The following SAE1 variants were observed in gnomAD, a reference collection of about 807,000 sequenced individuals.
SAE1 encodes SUMO-activating enzyme subunit 1.
Under a neutral mutation model 40.6 loss-of-function variants are expected in SAE1, and 11 were observed. The ratio of observed to expected loss-of-function variants is 0.27; its 90% CI spans 0.17 to 0.45. The LOEUF (loss-of-function observed/expected upper bound fraction) is 0.45. SAE1 is among the 20% of genes least tolerant of loss of function. The probability of loss-of-function intolerance (pLI) is 1.00; values close to 1 mark genes in which losing one functional copy is unlikely to be tolerated. For missense variants in SAE1, 373 were observed against 427.3 expected (o/e 0.87, Z 1.12); for synonymous variants, 155 against 154.3 (o/e 1.00, Z -0.03).
intron 1 of SAE1, among the ~76,000 whole-genome samples, chr19:47,134,348 G>A (rs2058165797): frequency 2.6e-5 from 4 of 151,856 alleles, no homozygotes; most frequent in Non-Finnish European, 5.9e-5. Context: ...AGAGGGTGCA[G>A]TGGTGGGATG....
chr19:47,167,379 G>A (rs922440663), intron 5 of SAE1, among the ~76,000 whole-genome samples: 75 of 150,754 alleles, frequency 5.0e-4, no homozygotes, highest in African/African-American at 1.8e-3. Flanking sequence ...AGCTGGGACT[G>A]CAGGTGCCTG....
At chr19:47,182,841 G>A (rs1433914620) in intron 6 of SAE1, among the ~76,000 whole-genome samples, 1 of 152,086 alleles carries the variant, frequency 6.6e-6, no homozygotes, top group Non-Finnish European at 1.5e-5. Context: ...CCAGCCCTTT[G>A]GGAGGCCAAA....
chr19:47,196,733 A>G (rs746208819), intron 6 of SAE1, among the ~76,000 whole-genome samples: 2 of 151,658 alleles, frequency 1.3e-5, no homozygotes, highest in South Asian at 2.1e-4. Context: ...TCAAACTCAT[A>G]TATACTTCAT....
At chr19:47,172,124 G>C (rs767281924) in intron 6 of SAE1, among the ~76,000 whole-genome samples, 23 of 152,116 alleles carry the variant, frequency 1.5e-4, no homozygotes, top group Non-Finnish European at 3.2e-4. Context: ...TCACCATGTT[G>C]GCCAGGCTGG....
chr19:47,174,999 G>A (rs1054779173), intron 6 of SAE1, among the ~76,000 whole-genome samples: 5 of 151,994 alleles, frequency 3.3e-5, no homozygotes, highest in Admixed American at 6.6e-5. Context: ...GTGAGGCACC[G>A]TGCCCGGCAG....
intron 5 of SAE1, among the ~76,000 whole-genome samples, chr19:47,157,157 G>C (rs1184685816): frequency 6.6e-6 from 1 of 152,172 alleles, no homozygotes; most frequent in Non-Finnish European, 1.5e-5. Flanking sequence ...CTCATTTTGT[G>C]TTTGTGTTGG....
chr19:47,135,074 G>C (rs2058169960), intron 1 of SAE1, among the ~76,000 whole-genome samples: 1 of 151,914 alleles, frequency 6.6e-6, no homozygotes, highest in East Asian at 1.9e-4. Context: ...ATACATTTTG[G>C]GGGTATGTGA....
intron 6 of SAE1, among the ~76,000 whole-genome samples, chr19:47,193,419 G>C (rs1022970326): frequency 6.6e-6 from 1 of 152,088 alleles, no homozygotes; most frequent in African/African-American, 2.4e-5. Context: ...GGTTGCAGAA[G>C]CTGTGTTCTT....
chr19:47,160,643 C>T (rs1342404008), intron 5 of SAE1, among the ~76,000 whole-genome samples: 1 of 152,150 alleles, frequency 6.6e-6, no homozygotes, highest in East Asian at 1.9e-4. Context: ...GATCCGCCCA[C>T]CTCGGCCTCC....
At chr19:47,131,248 C>T in intron 1 of SAE1, 1 of 1,212,544 alleles carries the variant, frequency 8.2e-7, no homozygotes, top group Middle Eastern at 3.0e-4. Flanking sequence ...AGGATGGGAG[C>T]TCTGAAGGGG....
intron 6 of SAE1, among the ~76,000 whole-genome samples, chr19:47,176,842 T>C (rs2058471725): frequency 6.6e-6 from 1 of 152,212 alleles, no homozygotes; most frequent in Admixed American, 6.6e-5. Flanking sequence ...CTTCTTTTTA[T>C]TATTCTCCCA....
intron 5 of SAE1, among the ~76,000 whole-genome samples, chr19:47,158,258 C>T (rs981278845): frequency 6.6e-6 from 1 of 152,168 alleles, no homozygotes; most frequent in African/African-American, 2.4e-5. Flanking sequence ...AAAGGAAAAA[C>T]AGCCTGTGGT....
At chr19:47,184,137 G>T (rs2058527725) in intron 6 of SAE1, among the ~76,000 whole-genome samples, 1 of 152,150 alleles carries the variant, frequency 6.6e-6, no homozygotes, top group Non-Finnish European at 1.5e-5. Context: ...AGAATATTGG[G>T]CTGGGGCTAG....
chr19:47,189,724 C>G (rs182190594), intron 6 of SAE1, among the ~76,000 whole-genome samples: 1 of 152,132 alleles, frequency 6.6e-6, no homozygotes, highest in African/African-American at 2.4e-5. Flanking sequence ...CCCTGCCCCC[C>G]ACAATTGAAC....
At chr19:47,193,224 A>AT (rs1191736809) in intron 6 of SAE1, among the ~76,000 whole-genome samples, 3 of 151,112 alleles carry the variant, frequency 2.0e-5, no homozygotes, top group Non-Finnish European at 4.4e-5. Flanking sequence ...TGCACGGCTA[A>AT]TTTTTTTGGT....
intron 1 of SAE1, among the ~76,000 whole-genome samples, chr19:47,134,902 A>T (rs2058168789): frequency 6.6e-6 from 1 of 152,124 alleles, no homozygotes; most frequent in African/African-American, 2.4e-5. Context: ...GGAGAACATG[A>T]AAAGGATTGG....
At chr19:47,139,774 T>C (rs1466767049) in intron 1 of SAE1, among the ~76,000 whole-genome samples, 1 of 143,570 alleles carries the variant, frequency 7.0e-6, no homozygotes, top group Non-Finnish European at 1.5e-5. Context: ...TTTTTTTTTT[T>C]GTATTTTTAG....
chr19:47,178,746 A>T (rs537244661), intron 6 of SAE1, among the ~76,000 whole-genome samples: 1 of 152,352 alleles, frequency 6.6e-6, no homozygotes, highest in African/African-American at 2.4e-5. Flanking sequence ...TGCTGAGTTT[A>T]TAGGCATGAG....
chr19:47,160,315 G>A (rs948920426), intron 5 of SAE1, among the ~76,000 whole-genome samples: 2 of 139,100 alleles, frequency 1.4e-5, no homozygotes, highest in Admixed American at 1.6e-4. Context: ...TCCGCCTCCC[G>A]GGTTTAAGCG....
Sources: gnomAD v4.1 joint callset for allele counts (sites outside exome capture counted in the v4.1 genomes callset) on GRCh38, gnomAD v4.1.1 for gene constraint, MANE v1.5 for transcripts, NCBI Gene and HGNC (gene_info 2026-07-23, HGNC 2026-07-21) for gene names.